ZNF678: variants seen among roughly 807,000 people sequenced by gnomAD.
ZNF678 encodes the protein zinc finger protein 678.
In ZNF678, 5 loss-of-function variants were observed where a neutral mutation model predicts 3.0. That is an observed-to-expected ratio of 1.69 (90% confidence interval 0.88 to 3.56). The LOEUF (loss-of-function observed/expected upper bound fraction) is 3.56, where lower values mean the gene tolerates loss of function less well. Ranked by LOEUF, ZNF678 falls within the 30% of genes most tolerant of loss-of-function variation. The pLI, the probability that ZNF678 is intolerant of heterozygous loss-of-function variation, is 0.00. For missense variants in ZNF678, 593 were observed against 605.0 expected, an observed-to-expected ratio of 0.98 and a Z score of 0.21; for synonymous variants, 218 against 199.6, an observed-to-expected ratio of 1.09 and a Z score of -0.78.
At chr1:227,566,095 A>C (rs1028129239) in intron 1 of ZNF678, among the ~76,000 whole-genome samples, 1 of 152,092 alleles carries the variant, frequency 6.6e-6, no homozygotes, top group African/African-American at 2.4e-5. Flanking sequence ...TGAATTTCAG[A>C]ATTGTCTGGG....
At chr1:227,668,005 C>G (rs1225065408) in intron 5 of ZNF678, among the ~76,000 whole-genome samples, 1 of 152,106 alleles carries the variant, frequency 6.6e-6, no homozygotes, top group African/African-American at 2.4e-5. Context: ...TTTTATGGAA[C>G]AGAAGTCACA....
chr1:227,590,282 T>C (rs1352582631), intron 1 of ZNF678, among the ~76,000 whole-genome samples: 1 of 151,874 alleles, frequency 6.6e-6, no homozygotes, highest in East Asian at 1.9e-4. Flanking sequence ...TGATCATCTA[T>C]GTGCAGGCAG....
intron 5 of ZNF678, among the ~76,000 whole-genome samples, chr1:227,676,790 C>T (rs1417949763): frequency 2.6e-5 from 4 of 151,130 alleles, no homozygotes; most frequent in African/African-American, 4.9e-5. Context: ...TCTGTCCTTG[C>T]GATAGTTTGC....
intron 1 of ZNF678, among the ~76,000 whole-genome samples, chr1:227,636,646 A>C (rs1298738356): frequency 2.0e-5 from 3 of 152,104 alleles, no homozygotes; most frequent in African/African-American, 7.2e-5. Flanking sequence ...CTTTAAGGAT[A>C]GTTTTTTTCT....
At chr1:227,579,219 C>G (rs1019353673) in intron 1 of ZNF678, among the ~76,000 whole-genome samples, 6 of 152,050 alleles carry the variant, frequency 3.9e-5, no homozygotes, top group Admixed American at 6.6e-5. Flanking sequence ...GAAGGCAATA[C>G]AGCTGGGGTT....
At chr1:227,673,247 C>G (rs1047020108) in intron 5 of ZNF678, among the ~76,000 whole-genome samples, 2 of 152,176 alleles carry the variant, frequency 1.3e-5, no homozygotes, top group Non-Finnish European at 2.9e-5. Context: ...CTGAGCCTAC[C>G]CTGGTTGTAG....
chr1:227,628,046 A>G (rs551672183), intron 1 of ZNF678, among the ~76,000 whole-genome samples: 1 of 152,188 alleles, frequency 6.6e-6, no homozygotes, highest in African/African-American at 2.4e-5. Flanking sequence ...TATTTAAGCA[A>G]ATGGTTGTCT....
intron 1 of ZNF678, among the ~76,000 whole-genome samples, chr1:227,569,952 AG>A (rs1656794135): frequency 6.6e-6 from 1 of 152,220 alleles, no homozygotes; most frequent in African/African-American, 2.4e-5. Context: ...TTGGGTCTCA[AG>A]CCTGATGAGA....
At chr1:227,667,217 G>C (rs1010765129), downstream of ZNF678, among the ~76,000 whole-genome samples, 4 of 151,810 alleles carry the variant, frequency 2.6e-5, no homozygotes, top group Admixed American at 2.6e-4. Flanking sequence ...CTAATTTTTT[G>C]TAGAGACAGG....
intron 1 of ZNF678, among the ~76,000 whole-genome samples, chr1:227,595,425 G>A (rs1335846233): frequency 6.6e-6 from 1 of 152,086 alleles, no homozygotes; most frequent in African/African-American, 2.4e-5. Context: ...TTGAAACAAG[G>A]GACCTATCCA....
chr1:227,669,196 T>A (rs2102819653), intron 5 of ZNF678, among the ~76,000 whole-genome samples: 1 of 151,592 alleles, frequency 6.6e-6, no homozygotes, highest in Non-Finnish European at 1.5e-5. Context: ...CCTGAATCTG[T>A]AAGAAACTTA....
intron 1 of ZNF678, among the ~76,000 whole-genome samples, chr1:227,617,992 A>G (rs1474591124): frequency 6.6e-6 from 1 of 152,196 alleles, no homozygotes; most frequent in East Asian, 1.9e-4. Flanking sequence ...ACACAGCAGA[A>G]TAAATGTCCG....
chr1:227,611,752 A>G (rs1658025404), intron 1 of ZNF678, among the ~76,000 whole-genome samples: 1 of 152,148 alleles, frequency 6.6e-6, no homozygotes, highest in South Asian at 2.1e-4. Context: ...TGTGGTTAAT[A>G]TATGCTTCTC....
At chr1:227,622,663 T>TTA (rs1658308443) in intron 1 of ZNF678, among the ~76,000 whole-genome samples, 1 of 152,096 alleles carries the variant, frequency 6.6e-6, no homozygotes, top group South Asian at 2.1e-4. Context: ...TTTTTACTAT[T>TTA]TATTTGTGCC....
At chr1:227,616,719 A>G in intron 1 of ZNF678, among the ~76,000 whole-genome samples, 1 of 152,174 alleles carries the variant, frequency 6.6e-6, no homozygotes, top group East Asian at 1.9e-4. Flanking sequence ...TGTCTCAGAA[A>G]GGGGTTGGAG....
intron 5 of ZNF678, among the ~76,000 whole-genome samples, chr1:227,668,468 C>G (rs1389387953): frequency 6.6e-6 from 1 of 152,184 alleles, no homozygotes; most frequent in Non-Finnish European, 1.5e-5. Flanking sequence ...TATGGTCCAT[C>G]ATTGTAAACA....
chr1:227,645,685 G>T (rs991509200), intron 1 of ZNF678, among the ~76,000 whole-genome samples: 6 of 152,138 alleles, frequency 3.9e-5, no homozygotes, highest in African/African-American at 1.4e-4. Context: ...ATGGAGCTTC[G>T]CATGAAACTG....
At chr1:227,670,794 T>A (rs986379452) in intron 5 of ZNF678, among the ~76,000 whole-genome samples, 9 of 152,194 alleles carry the variant, frequency 5.9e-5, no homozygotes, top group Non-Finnish European at 1.0e-4. Context: ...TCAGGATTTT[T>A]AAGCCCCCAT....
intron 1 of ZNF678, among the ~76,000 whole-genome samples, chr1:227,619,871 A>G (rs924770058): frequency 2.0e-5 from 3 of 152,346 alleles, no homozygotes; most frequent in East Asian, 1.9e-4. Context: ...AAGCATTCCA[A>G]TAATGGAACA....
Sources: gnomAD v4.1 joint callset for allele counts (sites outside exome capture counted in the v4.1 genomes callset) on GRCh38, gnomAD v4.1.1 for gene constraint, MANE v1.5 for transcripts, NCBI Gene and HGNC (gene_info 2026-07-23, HGNC 2026-07-21) for gene names.